ZHX3: variants seen among roughly 807,000 people sequenced by gnomAD.
ZHX3 encodes the protein zinc fingers and homeoboxes protein 3.
ZHX3 carries 20 observed loss-of-function variants against 64.5 expected under a neutral mutation model. That is an observed-to-expected ratio of 0.31 (90% CI 0.22 to 0.45). The LOEUF is 0.45. Ranked by LOEUF, ZHX3 falls within the 20% of genes least tolerant of loss-of-function variation. ZHX3 has a pLI of 1.00. For synonymous variants in ZHX3, 423 were observed against 461.6 expected, an observed-to-expected ratio of 0.92 and a Z score of 1.07; for missense variants, 1,041 against 1,195.8, an observed-to-expected ratio of 0.87 and a Z score of 1.91.
At chr20:41,246,129 T>C (rs1767021452) in intron 2 of ZHX3, among the ~76,000 whole-genome samples, 1 of 152,232 alleles carries the variant, frequency 6.6e-6, no homozygotes, top group Admixed American at 6.5e-5. Flanking sequence ...CATGACCTCA[T>C]GACAGTAGAA....
intron 3 of ZHX3, among the ~76,000 whole-genome samples, chr20:41,190,133 A>T (rs1305460969): frequency 2.0e-5 from 3 of 152,086 alleles, no homozygotes; most frequent in Admixed American, 6.5e-5. Flanking sequence ...GGTGTATGTT[A>T]AACCATCCTT....
chr20:41,196,393 TTA>T (rs1329625452), intron 3 of ZHX3, among the ~76,000 whole-genome samples: 16 of 42,702 alleles, frequency 3.7e-4, no homozygotes, highest in East Asian at 2.3e-3. Flanking sequence ...AAATATATAT[TTA>T]TATATATTAT....
intron 2 of ZHX3, chr20:41,267,625 T>C (rs754919975): frequency 2.2e-4 from 33 of 152,110 alleles, no homozygotes; most frequent in African/African-American, 5.1e-4. Context: ...ATAGAAAAAA[T>C]AGAGAAGGAT....
At chr20:41,283,139 G>A (rs1457778714) in intron 1 of ZHX3, among the ~76,000 whole-genome samples, 1 of 152,146 alleles carries the variant, frequency 6.6e-6, no homozygotes, top group East Asian at 1.9e-4. Context: ...GAACTCCTGA[G>A]CTCAGGTGAT....
rs564799491 is a variant in ZHX3 at position 41,293,169 on chromosome 20, A to G, written c.-244-24086T>C. Among the ~76,000 whole-genome samples the G allele has an allele frequency of 2.0e-5, 3 of 152,322 alleles. No individual in the cohort carries two copies. In the South Asian group the frequency reaches 6.2e-4, roughly 32 times the overall value. Reference sequence around the variant, plus strand: ...CCAAGAACTGTGCCCTGCTACTCAAAAGATGATCAGGGAGACCCACAACAT... The same window carrying G: ...CCAAGAACTGTGCCCTGCTACTCAAGAGATGATCAGGGAGACCCACAACAT... On this transcript the variant is annotated intron_variant, in intron 1 of 3. Transcript: ENST00000683867.
chr20:41,200,298 C>T lies in ZHX3; in HGVS notation c.2860+1759G>A, dbSNP rs1019090139. 2.0e-5 allele frequency among the ~76,000 whole-genome samples: 3 copies of T among 152,170 alleles called. No homozygotes were observed. Among genetic ancestry groups the T allele is most frequent in the Admixed American group, 6.5e-5 (1 of 15,278 alleles). ...TCTTCCATAACATCATTCTCCATGT[C>T]AGCTTTCGTAATCAACTTGTTCAAA... On this transcript the variant is annotated intron_variant, in intron 3 of 3. Coordinates refer to ENST00000683867, the MANE Select transcript of ZHX3 (RefSeq NM_001384317.1). The surrounding 1 kb of genome is among the most constrained non-coding windows in gnomAD (Gnocchi z 4.2).
At chr20:41,230,973 C>A (rs552191372) in intron 2 of ZHX3, among the ~76,000 whole-genome samples, 1 of 152,164 alleles carries the variant, frequency 6.6e-6, no homozygotes, top group South Asian at 2.1e-4. Flanking sequence ...ATTATAATAT[C>A]ATACAAAATA....
intron 3 of ZHX3, among the ~76,000 whole-genome samples, chr20:41,197,513 G>A (rs1028324058): frequency 6.6e-6 from 1 of 150,882 alleles, no homozygotes; most frequent in Non-Finnish European, 1.5e-5. Flanking sequence ...CTATTTTCTA[G>A]GTGTATCTTT....
intron 2 of ZHX3, among the ~76,000 whole-genome samples, chr20:41,205,577 G>A (rs752708459): frequency 2.1e-5 from 3 of 145,960 alleles, no homozygotes; most frequent in South Asian, 2.4e-4. Flanking sequence ...TGGGGTGGGC[G>A]GGGGTGGCTA....
rs2037374216 is a variant in ZHX3, at chr20:41,195,111, T to G, written c.2860+6946A>C. On this transcript the variant is annotated intron_variant, in intron 3 of 3. Coordinates refer to ENST00000683867, the MANE Select transcript of ZHX3 (RefSeq NM_001384317.1). The surrounding 1 kb of genome is among the most constrained non-coding windows in gnomAD (Gnocchi z 4.2). ...AAAGTGTACATTTAGTTTACTGATT[T>G]GAGATCTTAAAAAAAGTTTTTTTAA... Among the ~76,000 whole-genome samples, 1 of 152,202 alleles carries G rather than the reference T, an allele frequency of 6.6e-6. No individual in the cohort carries two copies. Among genetic ancestry groups the G allele is most frequent in the African/African-American group, 2.4e-5 (1 of 41,448 alleles).
chr20:41,208,225 A>G (rs1219842624), intron 2 of ZHX3, among the ~76,000 whole-genome samples: 1 of 152,234 alleles, frequency 6.6e-6, no homozygotes, highest in East Asian at 1.9e-4. Context: ...AAAGAAGTCC[A>G]GGACCAGACA....
intron 2 of ZHX3, among the ~76,000 whole-genome samples, chr20:41,235,977 A>G (rs2040955236): frequency 6.6e-6 from 1 of 152,202 alleles, no homozygotes; most frequent in African/African-American, 2.4e-5. Context: ...TACACCAATA[A>G]CAGACAAACA....
intron 2 of ZHX3, among the ~76,000 whole-genome samples, chr20:41,259,751 T>C (rs778160689): frequency 6.6e-6 from 1 of 152,142 alleles, no homozygotes; most frequent in Non-Finnish European, 1.5e-5. Flanking sequence ...AGTTTCACAA[T>C]AAACCCAACA....
At chr20:41,236,351 T>G (rs563419665) in intron 2 of ZHX3, among the ~76,000 whole-genome samples, 5 of 152,252 alleles carry the variant, frequency 3.3e-5, no homozygotes, top group East Asian at 1.9e-4. Context: ...GGAGGCATCA[T>G]GCTACCTGAC....
rs373953729 is a variant in ZHX3, at chr20:41,268,858, TAATGTTTAATAGC to T, written c.-151+119_-151+131del. 155 of 152,274 alleles carry T rather than the reference TAATGTTTAATAGC, an allele frequency of 1.0e-3. 1 individual carries two copies. Among genetic ancestry groups the T allele is most frequent in the African/African-American group, 3.4e-3 (142 of 41,574 alleles). The allele number at this position is 152,274 out of a possible 1,614,324, so 9.4% of individuals were successfully genotyped here. On this transcript the variant is annotated intron_variant, in intron 2 of 3. Transcript: ENST00000683867. ...CAATAAAAAACAAGGGAGGAGAAAA[TAATGTTTAATAGC>T]AATGCGAAGACTAAATATAAAGACT... is the stretch of plus-strand genomic sequence containing the variant.
At chr20:41,286,587 C>T (rs183734761) in intron 1 of ZHX3, among the ~76,000 whole-genome samples, 39 of 152,272 alleles carry the variant, frequency 2.6e-4, no homozygotes, top group Admixed American at 6.5e-4. Flanking sequence ...TGCTCAAAAC[C>T]CTCCAATGGC....
intron 1 of ZHX3, among the ~76,000 whole-genome samples, chr20:41,300,686 G>C (rs12480752): frequency 6.6e-6 from 1 of 152,148 alleles, no homozygotes; most frequent in Non-Finnish European, 1.5e-5. Flanking sequence ...CTGAGACGAA[G>C]CTGGAAAGGC....
chr20:41,198,991 G>C (rs184609172), intron 3 of ZHX3, among the ~76,000 whole-genome samples: 336 of 150,448 alleles, frequency 2.2e-3, no homozygotes, highest in African/African-American at 7.7e-3. Context: ...CTCTTCTTTT[G>C]CATGCCCAAA....
chr20:41,255,650 C>T lies in ZHX3; in HGVS notation c.-151+13340G>A, dbSNP rs185345070. Among the ~76,000 whole-genome samples, 67 of 152,272 alleles carry T rather than the reference C, an allele frequency of 4.4e-4. 1 individual carries two copies. The East Asian group carries it at 4.8e-3, about 11-fold the overall frequency. ...ACAAGGACATATCTACTAAATAATA[C>T]GTCCCAGAGCCTCTAGAGGAAGGGC... On this transcript the variant is annotated intron_variant, in intron 2 of 3. Transcript: ENST00000683867.
Sources: gnomAD v4.1 joint callset for allele counts (sites outside exome capture counted in the v4.1 genomes callset) on GRCh38, gnomAD v4.1.1 for gene constraint, Gnocchi (gnomAD v3.1) non-coding constraint, MANE v1.5 for transcripts, NCBI Gene and HGNC (gene_info 2026-07-23, HGNC 2026-07-21) for gene names.